The following F10 variants were observed in gnomAD, a reference collection of about 807,000 sequenced individuals.
F10 encodes the protein coagulation factor X, also known as Stuart-Prower factor.
Under a neutral mutation model 37.1 loss-of-function variants are expected in F10, and 29 were observed. That is an observed-to-expected ratio of 0.78 (90% CI 0.58 to 1.07). The LOEUF (loss-of-function observed/expected upper bound fraction) is 1.07, where lower values mean the gene tolerates loss of function less well. Among genes scored for constraint, F10 ranks in the 50% least tolerant of loss-of-function variants. The pLI, the probability that F10 is intolerant of heterozygous loss-of-function variation, is 0.00. For missense variants in F10, 539 were observed against 667.9 expected (o/e 0.81, Z 2.13); for synonymous variants, 262 against 268.6 (o/e 0.98, Z 0.24).
At position 113,143,603 on chromosome 13, in the gene F10, G is replaced by GTGCA. The variant is rs1329323785; in HGVS notation, c.503-247_503-246insGCAT. On this transcript the variant is annotated intron_variant, in intron 5 of 7. Coordinates refer to ENST00000375559, the MANE Select transcript of F10 (RefSeq NM_000504.4). The surrounding 1 kb of genome is among the most constrained non-coding windows in gnomAD (Gnocchi z 6.8). ...CGCCAACACTCCCCTCGCTGCCTGG[G>GTGCA]TTGCTGCCTGGCGTCCATTGTTCAC... Among the ~76,000 whole-genome samples, 3 of 152,182 alleles carry GTGCA rather than the reference G, an allele frequency of 2.0e-5. No individual in the cohort carries two copies. The highest frequency in any genetic ancestry group is 1.3e-4 in the Admixed American group (2 of 15,286).
At position 113,137,356 on chromosome 13, in the gene F10, G is replaced by T. The variant is rs187116950; in HGVS notation, c.232-1101G>T. 1.6e-4 allele frequency among the ~76,000 whole-genome samples: 25 copies of T among 152,200 alleles called. 1 individual carries two copies. The East Asian group carries it at 4.6e-3, about 28-fold the overall frequency. On this transcript the variant is annotated intron_variant, in intron 2 of 7. Coordinates refer to ENST00000375559, the MANE Select transcript of F10 (RefSeq NM_000504.4). ...CAGGGTTTGCCAAGGGTTGGCAGGT[G>T]GGGGAGATGGCATGGGGTATTTGGG...
In F10 at chr13:113,143,867, G is replaced by A. The variant is rs1219278109; in HGVS notation, c.519G>A (p.Gly173=). Residue 173 remains glycine (G), a synonymous_variant, in exon 6 of 8, where the codon GGG becomes GGA. Transcript: ENST00000375559. The surrounding 1 kb of genome is among the most constrained non-coding windows in gnomAD (Gnocchi z 6.8). ...ACIPTGPYPC[G]KQTLERRKRS... is the part of the protein sequence containing the mutation. ...TTCTTTCAGGGCCCTACCCCTGTGG[G>A]AAACAGACCCTGGAACGCAGGAAGA... 1.2e-6 allele frequency: 2 copies of A among 1,612,856 alleles called. No individual in the cohort carries two copies. The highest frequency in any genetic ancestry group is 1.7e-6 in the Non-Finnish European group (2 of 1,179,998).
In F10 at chr13:113,144,846, T is replaced by C. The variant is rs895970168; in HGVS notation, c.747+751T>C. On this transcript the variant is annotated intron_variant, in intron 6 of 7. Coordinates refer to ENST00000375559, the MANE Select transcript of F10 (RefSeq NM_000504.4). This position sits in a 1 kb window ranked among gnomAD's most constrained non-coding sequence, Gnocchi z 6.4. ...CTCATGCCTCAGACTCCCAAGTAGC[T>C]GGAATTACGGGCGCCCGCTACTTAC... 3.4e-4 allele frequency among the ~76,000 whole-genome samples: 51 copies of C among 151,244 alleles called. 1 individual carries two copies. The highest frequency in any genetic ancestry group is 1.2e-3 in the African/African-American group (51 of 41,156).
At chr13:113,129,694 G>GC (rs1208978758) in intron 2 of F10, 82 bp downstream of exon 2, 48 of 1,582,970 alleles carry the variant, frequency 3.0e-5, no homozygotes, top group Non-Finnish European at 3.9e-5. Flanking sequence ...CGTCCATCCA[G>GC]GGGGGCGGCC....
chr13:113,129,797 C>T (rs1326814515), intron 2 of F10, among the ~76,000 whole-genome samples, 185 bp downstream of exon 2: 1 of 152,210 alleles, frequency 6.6e-6, no homozygotes, highest in East Asian at 1.9e-4. Flanking sequence ...ACATCAGTGC[C>T]GCCCCCGCGC....
intron 1 of F10, among the ~76,000 whole-genome samples, chr13:113,126,473 A>C (rs2142248436): frequency 6.6e-6 from 1 of 152,296 alleles, no homozygotes; most frequent in South Asian, 2.1e-4. Context: ...CAGAACAGCG[A>C]GTTCCTCTAA....
intron 2 of F10, among the ~76,000 whole-genome samples, chr13:113,132,766 C>A (rs2036445913): frequency 6.6e-6 from 1 of 152,198 alleles, no homozygotes; most frequent in Non-Finnish European, 1.5e-5. Context: ...ATCTAATGGA[C>A]ATTTATAGGA....
chr13:113,141,179 G>A lies in F10; in HGVS notation c.502+129G>A. The stretch of plus-strand genomic sequence containing the variant: ...TGGCAGGTAACAGTGACACCAAGAG[G>A]ACAGGACTGAGCCCTGGGCTCCGGG... On this transcript the variant is annotated intron_variant, in intron 5 of 7. Coordinates refer to ENST00000375559, the MANE Select transcript of F10 (RefSeq NM_000504.4). The surrounding 1 kb of genome is among the most constrained non-coding windows in gnomAD (Gnocchi z 5.4). The A allele has an allele frequency of 1.5e-6, 2 of 1,344,642 alleles. No homozygotes were observed. The highest frequency in any genetic ancestry group is 2.5e-5 in the South Asian group (2 of 79,846). The allele number at this position is 1,344,642 out of a possible 1,614,324, so 83.3% of individuals were successfully genotyped here.
intron 1 of F10, among the ~76,000 whole-genome samples, chr13:113,123,409 C>T (rs937113900): frequency 1.3e-5 from 2 of 152,138 alleles, no homozygotes; most frequent in African/African-American, 4.8e-5. Context: ...GGACTGGCTC[C>T]GTCGGGGAAG....
At chr13:113,123,039 C>A in intron 1 of F10, 114 bp downstream of exon 1, 1 of 1,267,172 alleles carries the variant, frequency 7.9e-7, no homozygotes, top group Non-Finnish European at 1.1e-6. Flanking sequence ...TTGAGTGCTG[C>A]CAGAGGCTGG....
chr13:113,142,385 CA>C (rs58893351), intron 5 of F10, among the ~76,000 whole-genome samples: 97,186 of 140,610 alleles, frequency 0.69, 33,381 homozygotes, highest in East Asian at 0.86. Context: ...AGTAAAAATA[CA>C]AAAAAAAAAA....
At chr13:113,126,321 G>A (rs1434954491) in intron 1 of F10, among the ~76,000 whole-genome samples, 1 of 152,220 alleles carries the variant, frequency 6.6e-6, no homozygotes, top group Non-Finnish European at 1.5e-5. Context: ...ATGAGCTGGG[G>A]AGAGCTGAGC....
In F10 at chr13:113,139,224, G is replaced by T; in HGVS notation, c.257-133G>T. The T allele has an allele frequency of 1.4e-6, 1 of 701,680 alleles. No individual in the cohort carries two copies. 43.5% of individuals were successfully genotyped at this position (701,680 alleles called of 1,614,324 possible). On this transcript the variant is annotated intron_variant, in intron 3 of 7. Coordinates refer to ENST00000375559, the MANE Select transcript of F10 (RefSeq NM_000504.4). The surrounding 1 kb of genome is among the most constrained non-coding windows in gnomAD (Gnocchi z 5.2). ...TGGATCAAATAAAGTCCAAAGAGGG[G>T]GAGTTGTTTACAGAGAAACCGGAAG...
chr13:113,127,018 C>T (rs1595086798), intron 1 of F10, among the ~76,000 whole-genome samples: 1 of 152,304 alleles, frequency 6.6e-6, no homozygotes, highest in South Asian at 2.1e-4. Flanking sequence ...AAATCTAAGT[C>T]TAGCGTTGGT....
intron 1 of F10, among the ~76,000 whole-genome samples, chr13:113,126,857 T>TC (rs952145946): frequency 6.6e-6 from 1 of 152,098 alleles, no homozygotes; most frequent in African/African-American, 2.4e-5. Context: ...AGATGGGCAT[T>TC]CCCCACCCCT....
In F10 at chr13:113,144,337, C is replaced by A. The variant is rs2036561215; in HGVS notation, c.747+242C>A. ...AGAGGCTGGGCCCAGGCAACGCCCCCCTCAGCCCCTTCCCACTGGGCATTT... is the reference window on the plus strand; with the variant it reads ...AGAGGCTGGGCCCAGGCAACGCCCCACTCAGCCCCTTCCCACTGGGCATTT... On this transcript the variant is annotated intron_variant, in intron 6 of 7. Coordinates refer to ENST00000375559, the MANE Select transcript of F10 (RefSeq NM_000504.4). This position sits in a 1 kb window ranked among gnomAD's most constrained non-coding sequence, Gnocchi z 6.4. The A allele has an allele frequency of 5.0e-6, 3 of 597,098 alleles. No individual in the cohort carries two copies. Among genetic ancestry groups the A allele is most frequent in the South Asian group, 3.9e-5 (2 of 50,978 alleles). 37.0% of individuals were successfully genotyped at this position (597,098 alleles called of 1,614,324 possible).
chr13:113,136,666 T>TAG (rs1295507821), intron 2 of F10, among the ~76,000 whole-genome samples: 1,512 of 9,358 alleles, frequency 0.16, 296 homozygotes, highest in East Asian at 0.29. Flanking sequence ...TTTTTTTTTT[T>TAG]TTGAGACGGA....
chr13:113,145,260 A>C (rs1351029812), intron 6 of F10, among the ~76,000 whole-genome samples: 1 of 152,156 alleles, frequency 6.6e-6, no homozygotes, highest in African/African-American at 2.4e-5. Context: ...TCCAGGCCTC[A>C]TGTGATCCAC....
intron 1 of F10, among the ~76,000 whole-genome samples, chr13:113,125,304 T>C (rs1054107999): frequency 1.3e-5 from 2 of 152,264 alleles, no homozygotes; most frequent in African/African-American, 4.8e-5. Context: ...TTTCAATCTT[T>C]ACATTCAACA....
Sources: allele counts gnomAD v4.1 joint callset (sites outside exome capture counted in the v4.1 genomes callset), GRCh38; gene constraint gnomAD v4.1.1; non-coding constraint Gnocchi (gnomAD v3.1); transcripts MANE v1.5; gene names NCBI Gene and HGNC (gene_info 2026-07-23, HGNC 2026-07-21).